FAM227A: variants seen among roughly 807,000 people sequenced by gnomAD.
FAM227A encodes protein FAM227A.
A neutral mutation model predicts 74.7 loss-of-function variants in FAM227A; 80 were observed. That is an observed-to-expected ratio of 1.07 (90% CI 0.89 to 1.29). The LOEUF is 1.29. Among genes scored for constraint, FAM227A ranks in the 50% most tolerant of loss-of-function variants. FAM227A has a pLI of 0.00. For missense variants in FAM227A, 654 were observed against 683.4 expected, an observed-to-expected ratio of 0.96 and a Z score of 0.48; for synonymous variants, 237 against 241.8, an observed-to-expected ratio of 0.98 and a Z score of 0.19.
intron 2 of FAM227A, among the ~76,000 whole-genome samples, chr22:38,646,245 TTTC>T (rs1320254029): frequency 5.3e-5 from 7 of 133,092 alleles, no homozygotes; most frequent in African/African-American, 2.1e-4. Context: ...CCTTCCAGTA[TTTC>T]TTTTTTTTTT....
chr22:38,617,217 T>C (rs2091596787), intron 11 of FAM227A, among the ~76,000 whole-genome samples: 1 of 150,426 alleles, frequency 6.6e-6, no homozygotes, highest in South Asian at 2.1e-4. Flanking sequence ...TTTATACCCA[T>C]AGAAACAAAG....
chr22:38,630,874 AAAT>A (rs1363860768), intron 6 of FAM227A, among the ~76,000 whole-genome samples: 2 of 152,196 alleles, frequency 1.3e-5, no homozygotes, highest in Admixed American at 6.5e-5. Context: ...TTACGAGTAA[AAAT>A]AACTGGATGG....
At chr22:38,608,683 G>C (rs553791523) in intron 11 of FAM227A, among the ~76,000 whole-genome samples, 1 of 151,822 alleles carries the variant, frequency 6.6e-6, no homozygotes, top group Admixed American at 6.6e-5. Context: ...CACCTGCCTC[G>C]GCCTCCCAAA....
chr22:38,655,758 G>A (rs977985390), intron 1 of FAM227A, among the ~76,000 whole-genome samples: 2 of 152,114 alleles, frequency 1.3e-5, no homozygotes, highest in African/African-American at 4.8e-5. Flanking sequence ...TTAGTTCTAG[G>A]ACATGGAAGT....
chr22:38,619,239 A>C lies in FAM227A; in HGVS notation c.1038+973T>G, dbSNP rs117707622. Among the ~76,000 whole-genome samples the C allele has an allele frequency of 7.1e-3, 1,085 of 152,290 alleles. 4 individuals carry two copies. Among genetic ancestry groups the C allele is most frequent in the Non-Finnish European group, 0.011 (743 of 68,008 alleles). On this transcript the variant is annotated intron_variant, in intron 11 of 16. Coordinates refer to ENST00000535113, the MANE Select transcript of FAM227A (RefSeq NM_001013647.2). ...TTGAGCCAGATGAGCAAGGCTGTGC[A>C]AGTCAGTCTACTAAAGGCCAGAGGA... is the stretch of plus-strand genomic sequence containing the variant.
chr22:38,593,760 G>A (rs1289691670), intron 15 of FAM227A, among the ~76,000 whole-genome samples: 6 of 152,048 alleles, frequency 3.9e-5, no homozygotes, highest in Admixed American at 2.0e-4. Flanking sequence ...GCATGCTCCC[G>A]GCTCACCGCA....
rs985074267 is a variant in FAM227A, at chr22:38,583,568, A to G, written c.*2557T>C. The G allele has an allele frequency of 2.6e-5, 4 of 152,642 alleles. No individual in the cohort carries two copies. The highest frequency in any genetic ancestry group is 9.7e-5 in the African/African-American group (4 of 41,438). The allele number at this position is 152,642 out of a possible 1,614,324, so 9.5% of individuals were successfully genotyped here. The stretch of plus-strand genomic sequence containing the variant: ...CTGTGCCAAGAACTTTGCACAAATT[A>G]TCTCATCTAATCCTCACAACAACCC... On this transcript the variant is annotated 3_prime_UTR_variant, in exon 17 of 17. Coordinates refer to ENST00000535113, the MANE Select transcript of FAM227A (RefSeq NM_001013647.2).
intron 2 of FAM227A, among the ~76,000 whole-genome samples, chr22:38,647,997 AG>A (rs961747293): frequency 2.0e-5 from 3 of 152,138 alleles, no homozygotes; most frequent in Non-Finnish European, 4.4e-5. Context: ...AAGGAAGGTG[AG>A]GGGGGCAGAG....
intron 15 of FAM227A, among the ~76,000 whole-genome samples, chr22:38,592,702 G>A (rs940884370): frequency 1.3e-5 from 2 of 152,122 alleles, no homozygotes; most frequent in Non-Finnish European, 2.9e-5. Flanking sequence ...CATATCTACT[G>A]GAGTCCTTGT....
In FAM227A at chr22:38,636,336, C is replaced by G. The variant is rs565682229; in HGVS notation, c.519+115G>C. ...AGGGTTCCTAGCTCAGCTCAGACAC[C>G]TGCAAGCCTGTGGCCCTAGGTGAGT... On this transcript the variant is annotated intron_variant, in intron 6 of 16. Transcript: ENST00000535113. 4 of 1,184,538 alleles carry G rather than the reference C, an allele frequency of 3.4e-6. No homozygotes were observed. In the East Asian group the frequency reaches 7.9e-5, roughly 23 times the overall value. The allele number at this position is 1,184,538 out of a possible 1,614,324, so 73.4% of individuals were successfully genotyped here.
rs1165106525 is a variant in FAM227A at position 38,582,461 on chromosome 22, G to C, written c.*3664C>G. 3 of 1,529,948 alleles carry C rather than the reference G, an allele frequency of 2.0e-6. No homozygotes were observed. In the Admixed American group the frequency reaches 5.9e-5, roughly 30 times the overall value. The allele number at this position is 1,529,948 out of a possible 1,614,324, so 94.8% of individuals were successfully genotyped here. ...CTCATTTGCTTTATCCCACATTACA[G>C]CAAATGCTTTTTAAATGTTAGTTCC... On this transcript the variant is annotated 3_prime_UTR_variant, in exon 17 of 17. Coordinates refer to ENST00000535113, the MANE Select transcript of FAM227A (RefSeq NM_001013647.2).
At chr22:38,629,867 T>A (rs1056366985) in intron 6 of FAM227A, among the ~76,000 whole-genome samples, 1 of 27,104 alleles carries the variant, frequency 3.7e-5, no homozygotes, top group Non-Finnish European at 6.5e-5. Context: ...GCCTCTTCTT[T>A]ACCATCACTC....
intron 11 of FAM227A, among the ~76,000 whole-genome samples, chr22:38,614,023 G>T (rs574343727): frequency 6.6e-6 from 1 of 152,118 alleles, no homozygotes; most frequent in African/African-American, 2.4e-5. Flanking sequence ...ATGGCACCAC[G>T]CCCATCTAAT....
intron 12 of FAM227A, 66 bp from the exon 13 acceptor site, chr22:38,605,414 T>C (rs1407916369): frequency 3.3e-6 from 3 of 911,198 alleles, no homozygotes; most frequent in East Asian, 2.6e-5. Flanking sequence ...CTCAGCCTCC[T>C]GAGTAGCTGG....
At chr22:38,634,593 C>T (rs1235258112) in intron 6 of FAM227A, among the ~76,000 whole-genome samples, 6 of 152,166 alleles carry the variant, frequency 3.9e-5, no homozygotes, top group Admixed American at 3.9e-4. Flanking sequence ...CTCAGAGAGG[C>T]GCTTAACCAC....
At position 38,586,087 on chromosome 22, in the gene FAM227A, T is replaced by C. The variant is rs773649785; in HGVS notation, c.*38A>G. 7.1e-6 allele frequency: 11 copies of C among 1,551,910 alleles called. No homozygotes were observed. Among genetic ancestry groups the C allele is most frequent in the Non-Finnish European group, 2.6e-6 (3 of 1,147,018 alleles). On this transcript the variant is annotated 3_prime_UTR_variant, in exon 17 of 17. Transcript: ENST00000535113. ...CACCTCGTAGCAGAAATATCACGGA[T>C]TCTGTAGGCGCTTCCTGGTTCTAGG...
intron 6 of FAM227A, among the ~76,000 whole-genome samples, chr22:38,629,525 T>C (rs192194006): frequency 7.9e-5 from 12 of 152,250 alleles, no homozygotes; most frequent in African/African-American, 2.7e-4. Context: ...TTCCACAATC[T>C]ATGTGGTAGG....
chr22:38,648,961 G>T (rs1262902976), intron 2 of FAM227A, among the ~76,000 whole-genome samples: 2 of 146,686 alleles, frequency 1.4e-5, no homozygotes, highest in Non-Finnish European at 3.0e-5. Context: ...AACAGAGTGA[G>T]ACTCTGTCTC....
chr22:38,586,848 ATT>A (rs896111387), intron 16 of FAM227A, among the ~76,000 whole-genome samples: 1 of 143,598 alleles, frequency 7.0e-6, no homozygotes. Flanking sequence ...TGTTTTTTGT[ATT>A]TTTTTTTTTA....
Sources: allele counts gnomAD v4.1 joint callset (sites outside exome capture counted in the v4.1 genomes callset), GRCh38; gene constraint gnomAD v4.1.1; transcripts MANE v1.5; gene names NCBI Gene and HGNC (gene_info 2026-07-23, HGNC 2026-07-21).